Variants in APP observed in about 807,000 individuals in gnomAD.
The protein encoded by APP is amyloid beta precursor protein, also known as amyloid-beta precursor protein.
In APP, 31 loss-of-function variants were observed where a neutral mutation model predicts 101.4. The ratio of observed to expected loss-of-function variants is 0.31; its 90% CI spans 0.23 to 0.41. APP has a LOEUF of 0.41. APP is among the 10% of genes least tolerant of loss of function. APP has a pLI of 1.00. For missense variants in APP, 839 were observed against 1,003.7 expected (o/e 0.84, Z 2.22); for synonymous variants, 366 against 364.4 (o/e 1.00, Z -0.05).
chr21:26,012,170 AAAC>A (rs2043837176), intron 6 of APP, among the ~76,000 whole-genome samples: 1 of 151,922 alleles, frequency 6.6e-6, no homozygotes, highest in East Asian at 1.9e-4. Flanking sequence ...ACTACAGCCA[AAAC>A]AACAATTTTT....
chr21:26,037,923 A>C (rs2045193771), intron 5 of APP, among the ~76,000 whole-genome samples: 2 of 152,216 alleles, frequency 1.3e-5, no homozygotes, highest in South Asian at 4.1e-4. Flanking sequence ...CTTACTTATT[A>C]GTAGTTAGAG....
chr21:26,137,053 A>ACCTCCG (rs372663113), intron 1 of APP, among the ~76,000 whole-genome samples: 7,778 of 149,646 alleles, frequency 0.052, 320 homozygotes, highest in South Asian at 0.097. Flanking sequence ...TCCCGCCTCC[A>ACCTCCG]CCTCCGCCTC....
intron 1 of APP, among the ~76,000 whole-genome samples, chr21:26,123,999 T>TA (rs1159307351): frequency 1.3e-5 from 2 of 151,954 alleles, no homozygotes; most frequent in East Asian, 3.9e-4. Flanking sequence ...TTTTTTTTTT[T>TA]AATGTGCAAA....
intron 6 of APP, among the ~76,000 whole-genome samples, chr21:26,000,752 A>C (rs1485884193): frequency 2.6e-5 from 4 of 152,160 alleles, no homozygotes; most frequent in African/African-American, 9.7e-5. Flanking sequence ...ATACTCAATG[A>C]CATTAACTTA....
At chr21:26,152,300 AAAAAAAAT>A (rs1301888177) in intron 1 of APP, among the ~76,000 whole-genome samples, 2 of 149,664 alleles carry the variant, frequency 1.3e-5, no homozygotes, top group African/African-American at 4.9e-5. Context: ...AAAAAAAAAA[AAAAAAAAT>A]GGGCCAAGGA....
At chr21:26,133,284 C>A (rs575306764) in intron 1 of APP, among the ~76,000 whole-genome samples, 1 of 152,310 alleles carries the variant, frequency 6.6e-6, no homozygotes, top group African/African-American at 2.4e-5. Context: ...TAATCGGCAG[C>A]CTACGTAAGG....
intron 5 of APP, among the ~76,000 whole-genome samples, chr21:26,047,078 G>A (rs1221867968): frequency 3.9e-5 from 6 of 151,906 alleles, no homozygotes; most frequent in Non-Finnish European, 5.9e-5. Context: ...AAATATACTC[G>A]GTAATTTACA....
intron 13 of APP, among the ~76,000 whole-genome samples, chr21:25,925,716 C>T (rs945587117): frequency 2.0e-4 from 30 of 151,924 alleles, no homozygotes; most frequent in Non-Finnish European, 2.9e-5. Context: ...GGGTGGTTCA[C>T]TTGAGGTCAG....
At chr21:26,136,866 C>G (rs61701125) in intron 1 of APP, among the ~76,000 whole-genome samples, 1 of 152,200 alleles carries the variant, frequency 6.6e-6, no homozygotes, top group African/African-American at 2.4e-5. Flanking sequence ...TGTCATTCTC[C>G]GCTGAGAAAC....
intron 16 of APP, among the ~76,000 whole-genome samples, chr21:25,894,587 A>C (rs1200753149): frequency 6.6e-6 from 1 of 152,236 alleles, no homozygotes; most frequent in Non-Finnish European, 1.5e-5. Context: ...AGAGAACTAG[A>C]ATTAGAAGTG....
chr21:25,987,251 G>A (rs527981325), intron 8 of APP, among the ~76,000 whole-genome samples: 1 of 152,308 alleles, frequency 6.6e-6, no homozygotes, highest in African/African-American at 2.4e-5. Flanking sequence ...TATGGAGGAC[G>A]TTCTGGCCTT....
At chr21:25,905,179 T>C in intron 14 of APP, 102 bp from the exon 15 acceptor site, 1 of 972,816 alleles carries the variant, frequency 1.0e-6, no homozygotes, top group Non-Finnish European at 1.6e-6. Flanking sequence ...GCATATGCAA[T>C]AAACAAGTTA....
intron 1 of APP, among the ~76,000 whole-genome samples, chr21:26,130,280 C>A (rs572277502): frequency 6.6e-6 from 1 of 152,330 alleles, no homozygotes; most frequent in South Asian, 2.1e-4. Context: ...CAGTTATTCA[C>A]GTTTTATTTA....
intron 5 of APP, among the ~76,000 whole-genome samples, chr21:26,048,533 G>A (rs1378072750): frequency 2.0e-5 from 3 of 152,014 alleles, no homozygotes; most frequent in Non-Finnish European, 4.4e-5. Context: ...ATATCCAATC[G>A]TGGACCATGA....
chr21:26,032,985 T>C (rs1001168770), intron 5 of APP, among the ~76,000 whole-genome samples: 2 of 151,996 alleles, frequency 1.3e-5, no homozygotes, highest in African/African-American at 2.4e-5. Context: ...TTGGTGGAGT[T>C]TGGGAGGGAC....
At chr21:25,996,062 C>T (rs939603736) in intron 8 of APP, among the ~76,000 whole-genome samples, 1 of 152,062 alleles carries the variant, frequency 6.6e-6, no homozygotes, top group African/African-American at 2.4e-5. Flanking sequence ...CATCCCTAAC[C>T]TAACACTGGA....
chr21:25,892,201 G>C (rs1052185222), intron 16 of APP, among the ~76,000 whole-genome samples: 2 of 152,128 alleles, frequency 1.3e-5, no homozygotes, highest in Admixed American at 1.3e-4. Context: ...GAAACCCTTT[G>C]ACAGGTGGAA....
intron 5 of APP, among the ~76,000 whole-genome samples, 182 bp from the exon 6 acceptor site, chr21:26,022,224 A>G (rs2044373490): frequency 6.6e-6 from 1 of 152,180 alleles, no homozygotes; most frequent in Non-Finnish European, 1.5e-5. Flanking sequence ...CCTTGGGGAC[A>G]GTTCTTAGTT....
intron 13 of APP, among the ~76,000 whole-genome samples, chr21:25,926,804 G>C (rs113156919): frequency 0.048 from 7,267 of 151,990 alleles, 578 homozygotes; most frequent in African/African-American, 0.17. Flanking sequence ...GAGATCGAGA[G>C]CATCCTGGCT....
Sources: gnomAD v4.1 joint callset for allele counts (sites outside exome capture counted in the v4.1 genomes callset) on GRCh38, gnomAD v4.1.1 for gene constraint, MANE v1.5 for transcripts, NCBI Gene and HGNC (gene_info 2026-07-23, HGNC 2026-07-21) for gene names.